Variants in NAALADL2 observed in about 807,000 individuals in gnomAD.
The protein encoded by NAALADL2 is N-acetylated alpha-linked acidic dipeptidase like 2.
A neutral mutation model predicts 87.2 loss-of-function variants in NAALADL2; 76 were observed. The ratio of observed to expected loss-of-function variants is 0.87; its 90% CI spans 0.72 to 1.05. The LOEUF is 1.05. Ranked by LOEUF, NAALADL2 falls within the 50% of genes least tolerant of loss-of-function variation. The pLI, the probability that NAALADL2 is intolerant of heterozygous loss-of-function variation, is 0.00. For synonymous variants in NAALADL2, 354 were observed against 331.0 expected (o/e 1.07, Z -0.75); for missense variants, 1,089 against 945.8 (o/e 1.15, Z -1.99).
chr3:175,216,571 T>C (rs945278945), intron 2 of NAALADL2, among the ~76,000 whole-genome samples: 1 of 152,036 alleles, frequency 6.6e-6, no homozygotes, highest in African/African-American at 2.4e-5. Flanking sequence ...TGGAGGTCTT[T>C]AGTGAGGTAC....
At chr3:175,059,787 C>A in intron 1 of NAALADL2, 1 of 305,832 alleles carries the variant, frequency 3.3e-6, no homozygotes, top group Non-Finnish European at 6.5e-6. Context: ...TCTACATTAG[C>A]AGCACCGTAT....
chr3:174,972,771 G>A (rs1316710931), intron 1 of NAALADL2, among the ~76,000 whole-genome samples: 3 of 151,992 alleles, frequency 2.0e-5, no homozygotes, highest in South Asian at 2.1e-4. Context: ...CGAGGTGGGC[G>A]GGTCACCTGA....
chr3:175,305,881 T>C (rs556820782), intron 4 of NAALADL2, among the ~76,000 whole-genome samples: 1 of 152,336 alleles, frequency 6.6e-6, no homozygotes, highest in East Asian at 1.9e-4. Context: ...TTATTGCTTC[T>C]AGTTTAACAT....
intron 13 of NAALADL2, among the ~76,000 whole-genome samples, chr3:175,780,927 A>G (rs937546090): frequency 4.6e-5 from 7 of 152,168 alleles, no homozygotes; most frequent in African/African-American, 1.7e-4. Flanking sequence ...CTTTGGGCTC[A>G]ACTCTTTAAT....
chr3:174,491,693 A>T (rs1343054031), intron 1 of NAALADL2, among the ~76,000 whole-genome samples: 1 of 152,186 alleles, frequency 6.6e-6, no homozygotes, highest in Non-Finnish European at 1.5e-5. Flanking sequence ...TTGATGTCGC[A>T]TCAAATTTTC....
chr3:175,211,905 G>C (rs1000951226), intron 2 of NAALADL2, among the ~76,000 whole-genome samples: 4 of 151,968 alleles, frequency 2.6e-5, no homozygotes, highest in African/African-American at 9.7e-5. Context: ...TGTAATAGCA[G>C]ACATACTGAT....
chr3:175,247,978 C>A (rs1748302873), intron 3 of NAALADL2, among the ~76,000 whole-genome samples: 2 of 152,158 alleles, frequency 1.3e-5, no homozygotes, highest in Non-Finnish European at 2.9e-5. Context: ...ATTTACTAAC[C>A]CAAGGTTAGA....
chr3:174,536,155 C>A (rs1333229410), intron 1 of NAALADL2, among the ~76,000 whole-genome samples: 1 of 152,050 alleles, frequency 6.6e-6, no homozygotes, highest in Non-Finnish European at 1.5e-5. Flanking sequence ...TGTTCTGACA[C>A]TCCATATTAC....
chr3:174,995,277 C>T (rs1278463741), intron 1 of NAALADL2, among the ~76,000 whole-genome samples: 2 of 152,146 alleles, frequency 1.3e-5, no homozygotes, highest in South Asian at 4.2e-4. Flanking sequence ...GCAAAGGCAT[C>T]GGGTAGATTA....
At chr3:175,246,230 A>G (rs1381464652) in intron 3 of NAALADL2, among the ~76,000 whole-genome samples, 1 of 152,202 alleles carries the variant, frequency 6.6e-6, no homozygotes, top group Non-Finnish European at 1.5e-5. Context: ...AATTTGAAGT[A>G]AATTCAAAGC....
chr3:175,107,630 G>A (rs1189243020), intron 2 of NAALADL2, among the ~76,000 whole-genome samples: 1 of 151,678 alleles, frequency 6.6e-6, no homozygotes, highest in African/African-American at 2.4e-5. Context: ...ATGTAAAATG[G>A]TTGCAGTTGT....
At chr3:174,975,531 A>G (rs114439454) in intron 1 of NAALADL2, among the ~76,000 whole-genome samples, 1 of 152,220 alleles carries the variant, frequency 6.6e-6, no homozygotes, top group African/African-American at 2.4e-5. Flanking sequence ...TTTTGCACCA[A>G]CCTAAAATAA....
At chr3:174,827,398 TTTC>T (rs1004409105) in intron 3 of NAALADL2, among the ~76,000 whole-genome samples, 59 of 152,220 alleles carry the variant, frequency 3.9e-4, no homozygotes, top group African/African-American at 1.4e-3. Context: ...GGGAGAGTAT[TTTC>T]TTGCCTTTTC....
At chr3:174,804,818 A>C (rs561460347) in intron 3 of NAALADL2, among the ~76,000 whole-genome samples, 1 of 152,136 alleles carries the variant, frequency 6.6e-6, no homozygotes, top group Non-Finnish European at 1.5e-5. Flanking sequence ...TACGTTTTGA[A>C]AATTTAATAC....
chr3:175,295,796 T>C (rs560892607), intron 4 of NAALADL2, among the ~76,000 whole-genome samples: 1 of 151,768 alleles, frequency 6.6e-6, no homozygotes, highest in Non-Finnish European at 1.5e-5. Context: ...GACAATTTCC[T>C]AAAGCCCTAA....
intron 2 of NAALADL2, among the ~76,000 whole-genome samples, chr3:175,152,297 A>G (rs1327380516): frequency 6.6e-6 from 1 of 152,174 alleles, no homozygotes; most frequent in Admixed American, 6.6e-5. Context: ...CCTTGTCCCT[A>G]ATAGGCCATC....
chr3:174,972,791 T>A (rs1199266085), intron 1 of NAALADL2, among the ~76,000 whole-genome samples: 1 of 151,642 alleles, frequency 6.6e-6, no homozygotes, highest in Non-Finnish European at 1.5e-5. Flanking sequence ...AGGTCAGGAG[T>A]TCGAGACCAG....
intron 1 of NAALADL2, among the ~76,000 whole-genome samples, chr3:174,490,666 C>T (rs1718130147): frequency 2.0e-5 from 3 of 152,012 alleles, no homozygotes; most frequent in Admixed American, 2.0e-4. Context: ...GGAGAAAAAT[C>T]TTAGATGAAT....
At chr3:175,740,738 G>A (rs6776133) in intron 12 of NAALADL2, among the ~76,000 whole-genome samples, 13 of 152,098 alleles carry the variant, frequency 8.5e-5, no homozygotes, top group Admixed American at 3.3e-4. Flanking sequence ...TACCTAGGGC[G>A]GACATGTTCC....
Sources: gnomAD v4.1 joint callset for allele counts (sites outside exome capture counted in the v4.1 genomes callset) on GRCh38, gnomAD v4.1.1 for gene constraint, MANE v1.5 for transcripts, NCBI Gene and HGNC (gene_info 2026-07-23, HGNC 2026-07-21) for gene names.